SLC9A9: variants seen among roughly 807,000 people sequenced by gnomAD.
SLC9A9 encodes the protein solute carrier family 9 member A9.
In SLC9A9, 62 loss-of-function variants were observed where a neutral mutation model predicts 77.8. The observed-to-expected ratio is 0.80, with a 90% CI of 0.65 to 0.98. The LOEUF (loss-of-function observed/expected upper bound fraction) is 0.98, where lower values mean the gene tolerates loss of function less well. Among genes scored for constraint, SLC9A9 ranks in the 50% least tolerant of loss-of-function variants. The pLI is 0.00. For synonymous variants in SLC9A9, 320 were observed against 283.5 expected (o/e 1.13, Z -1.29); for missense variants, 775 against 774.9 (o/e 1.00, Z 0.00).
chr3:143,340,589 C>G (rs1322107073), intron 14 of SLC9A9, among the ~76,000 whole-genome samples: 1 of 152,188 alleles, frequency 6.6e-6, no homozygotes, highest in African/African-American at 2.4e-5. Context: ...GGTTTCAGTT[C>G]AGATCTTTCC....
intron 9 of SLC9A9, among the ~76,000 whole-genome samples, chr3:143,533,160 CTAG>C (rs1181484452): frequency 6.6e-6 from 1 of 152,216 alleles, no homozygotes; most frequent in Non-Finnish European, 1.5e-5. Flanking sequence ...GGGCACATTT[CTAG>C]ACACTGCAAT....
At chr3:143,742,742 A>G (rs140794455) in intron 4 of SLC9A9, among the ~76,000 whole-genome samples, 86 of 152,304 alleles carry the variant, frequency 5.6e-4, no homozygotes, top group African/African-American at 1.9e-3. Flanking sequence ...GTTTATAACT[A>G]AGTACAATGT....
At chr3:143,794,123 G>C (rs571876014) in intron 4 of SLC9A9, among the ~76,000 whole-genome samples, 20 of 152,260 alleles carry the variant, frequency 1.3e-4, no homozygotes, top group African/African-American at 4.8e-4. Flanking sequence ...TAAAGACACC[G>C]CCTGACACTT....
At chr3:143,390,251 A>G (rs1189874501) in intron 12 of SLC9A9, among the ~76,000 whole-genome samples, 1 of 152,080 alleles carries the variant, frequency 6.6e-6, no homozygotes, top group Non-Finnish European at 1.5e-5. Context: ...TCTATCTTTA[A>G]CTCTTTGCTG....
intron 8 of SLC9A9, among the ~76,000 whole-genome samples, chr3:143,561,351 A>G (rs2037081280): frequency 6.6e-6 from 1 of 152,224 alleles, no homozygotes; most frequent in Admixed American, 6.5e-5. Context: ...GCATTTTATC[A>G]GGACAAAAAG....
chr3:143,744,233 AT>A (rs1935150557), intron 4 of SLC9A9, among the ~76,000 whole-genome samples: 1 of 152,174 alleles, frequency 6.6e-6, no homozygotes. Context: ...TGCCAGTTGC[AT>A]CTCTTGCTTC....
intron 14 of SLC9A9, among the ~76,000 whole-genome samples, chr3:143,281,780 A>G (rs1240426684): frequency 6.6e-6 from 1 of 152,162 alleles, no homozygotes; most frequent in Non-Finnish European, 1.5e-5. Context: ...CTGCAGTACA[A>G]AGGCATGATT....
At chr3:143,411,506 G>A (rs1028522423) in intron 12 of SLC9A9, among the ~76,000 whole-genome samples, 1 of 152,046 alleles carries the variant, frequency 6.6e-6, no homozygotes, top group Non-Finnish European at 1.5e-5. Context: ...TGTGTCTTGA[G>A]GTATTTAACT....
At chr3:143,533,537 G>A (rs1048432039) in intron 9 of SLC9A9, among the ~76,000 whole-genome samples, 13 of 152,174 alleles carry the variant, frequency 8.5e-5, no homozygotes, top group Non-Finnish European at 1.3e-4. Context: ...CCACACAGAT[G>A]AAGTAGTCAG....
chr3:143,282,650 T>C (rs531021310), intron 14 of SLC9A9, among the ~76,000 whole-genome samples: 128 of 152,314 alleles, frequency 8.4e-4, no homozygotes, highest in African/African-American at 3.1e-3. Flanking sequence ...GTAATGGTAA[T>C]GGACTCTCTG....
Position 143,843,248 on chromosome 3 carries a change from G to A in SLC9A9, c.175+4900C>T, listed in dbSNP as rs527563767. Among the ~76,000 whole-genome samples the A allele has an allele frequency of 3.2e-4, 49 of 152,242 alleles. 1 individual carries two copies. The South Asian group carries it at 9.6e-3, about 30-fold the overall frequency. ...GGGCTGTCCTGGAGGAGGGTAAAATGGATCAGGAGGGTGTAGCCAACATGT... is the reference window on the plus strand; with the variant it reads ...GGGCTGTCCTGGAGGAGGGTAAAATAGATCAGGAGGGTGTAGCCAACATGT... On this transcript the variant is annotated intron_variant, in intron 1 of 15. Transcript: ENST00000316549.
chr3:143,774,204 A>G (rs1397092641), intron 4 of SLC9A9, among the ~76,000 whole-genome samples: 1 of 152,242 alleles, frequency 6.6e-6, no homozygotes, highest in Non-Finnish European at 1.5e-5. Context: ...ACTCAGCAAG[A>G]TATAATAACT....
chr3:143,761,838 T>C (rs1177255603), intron 4 of SLC9A9, among the ~76,000 whole-genome samples: 3 of 152,242 alleles, frequency 2.0e-5, no homozygotes, highest in African/African-American at 7.2e-5. Flanking sequence ...ATCCCATTGC[T>C]GGGTATACAC....
At position 143,654,484 on chromosome 3, in the gene SLC9A9, G is replaced by T. The variant is rs553563766; in HGVS notation, c.650-2124C>A. ...ACATTTGCCACAACTTTTAGACGTT[G>T]CAGTTGGTGGGAGGGAACAAGCAAA... is the stretch of plus-strand genomic sequence containing the variant. On this transcript the variant is annotated intron_variant, in intron 5 of 15. Transcript: ENST00000316549. Among the ~76,000 whole-genome samples the T allele has an allele frequency of 3.3e-5, 5 of 152,292 alleles. No individual in the cohort carries two copies. In the South Asian group the frequency reaches 8.3e-4, roughly 25 times the overall value.
chr3:143,610,660 T>C (rs2038009250), intron 6 of SLC9A9, among the ~76,000 whole-genome samples: 1 of 152,084 alleles, frequency 6.6e-6, no homozygotes, highest in African/African-American at 2.4e-5. Context: ...TGACTACAGG[T>C]TGGTGAAGTG....
intron 14 of SLC9A9, among the ~76,000 whole-genome samples, chr3:143,356,327 T>C (rs1167353835): frequency 6.6e-6 from 1 of 152,238 alleles, no homozygotes; most frequent in Non-Finnish European, 1.5e-5. Context: ...ACTAGCCAAC[T>C]TTACTGATGG....
intron 9 of SLC9A9, among the ~76,000 whole-genome samples, chr3:143,543,568 T>C (rs971822580): frequency 1.3e-5 from 2 of 152,158 alleles, no homozygotes; most frequent in Admixed American, 6.5e-5. Context: ...TAGCTCTTAG[T>C]GTCTACTGTT....
In SLC9A9 at chr3:143,463,588, C is replaced by T. The variant is rs1250365232; in HGVS notation, c.1469+3449G>A. Among the ~76,000 whole-genome samples the T allele has an allele frequency of 2.4e-4, 36 of 152,114 alleles. 1 individual carries two copies. Among genetic ancestry groups the T allele is most frequent in the Admixed American group, 2.4e-3 (36 of 15,272 alleles). ...TCCTCACCGCCAGTATTAATGTATT[C>T]CACAGAAGGGAGGAGAACCGGATTT... On this transcript the variant is annotated intron_variant, in intron 12 of 15. Transcript: ENST00000316549.
intron 14 of SLC9A9, among the ~76,000 whole-genome samples, chr3:143,331,650 G>A (rs546169254): frequency 2.8e-4 from 42 of 152,282 alleles, no homozygotes; most frequent in African/African-American, 1.0e-3. Flanking sequence ...CCTACTATGC[G>A]TTGGTTACTT....
Sources: gnomAD v4.1 joint callset for allele counts (sites outside exome capture counted in the v4.1 genomes callset) on GRCh38, gnomAD v4.1.1 for gene constraint, MANE v1.5 for transcripts, NCBI Gene and HGNC (gene_info 2026-07-23, HGNC 2026-07-21) for gene names.